Variants in PHACTR2 observed in about 807,000 individuals in gnomAD.
PHACTR2 encodes the protein phosphatase and actin regulator 2, also known as chromosome 6 open reading frame 56.
A neutral mutation model predicts 76.0 loss-of-function variants in PHACTR2; 30 were observed. That is an observed-to-expected ratio of 0.39 (90% CI 0.30 to 0.54). The LOEUF is 0.54. Ranked by LOEUF, PHACTR2 falls within the 20% of genes least tolerant of loss-of-function variation. PHACTR2 has a pLI of 0.61. For synonymous variants in PHACTR2, 292 were observed against 292.5 expected, an observed-to-expected ratio of 1.00 and a Z score of 0.02; for missense variants, 696 against 781.1, an observed-to-expected ratio of 0.89 and a Z score of 1.30.
chr6:143,809,424 T>C lies in PHACTR2; in HGVS notation c.1922+2291T>C, dbSNP rs888670663. Among the ~76,000 whole-genome samples the C allele has an allele frequency of 1.3e-5, 2 of 152,234 alleles. No individual in the cohort carries two copies. Among genetic ancestry groups the C allele is most frequent in the Non-Finnish European group, 2.9e-5 (2 of 68,022 alleles). ...TGAGGTCTTGCTATGTTGCCCAGGC[T>C]GGTCTTGAAGTCCTGAGCTCAAGCG... On this transcript the variant is annotated intron_variant, in intron 12 of 12. Transcript: ENST00000440869. The surrounding 1 kb of genome is among the most constrained non-coding windows in gnomAD (Gnocchi z 4.2).
At chr6:143,566,468 T>C (rs1006825764) in intron 1 of PHACTR2, among the ~76,000 whole-genome samples, 1 of 151,370 alleles carries the variant, frequency 6.6e-6, no homozygotes, top group Non-Finnish European at 1.5e-5. Context: ...TATTCTTTTG[T>C]TGTTGTTGTT....
In PHACTR2 at chr6:143,774,939, A is replaced by T. The variant is rs1389887783; in HGVS notation, c.1589+724A>T. On this transcript the variant is annotated intron_variant, in intron 8 of 12. Coordinates refer to ENST00000440869, the MANE Select transcript of PHACTR2 (RefSeq NM_001100164.2). The surrounding 1 kb of genome is among the most constrained non-coding windows in gnomAD (Gnocchi z 5.4). Reference sequence around the variant, plus strand: ...ATTCATGCCAGAGGTCTTATTTTTGATGATCAGTTTAAGCACATGTAAGAA... The same window carrying T: ...ATTCATGCCAGAGGTCTTATTTTTGTTGATCAGTTTAAGCACATGTAAGAA... Among the ~76,000 whole-genome samples the T allele has an allele frequency of 6.6e-6, 1 of 152,186 alleles. No individual in the cohort carries two copies. The highest frequency in any genetic ancestry group is 1.5e-5 in the Non-Finnish European group (1 of 68,038).
rs1776283021 is a variant in PHACTR2 at position 143,627,636 on chromosome 6, C to G, written c.13+19314C>G. 1.3e-5 allele frequency among the ~76,000 whole-genome samples: 2 copies of G among 150,072 alleles called. 1 individual carries two copies. The highest frequency in any genetic ancestry group is 4.2e-4 in the South Asian group (2 of 4,760). On this transcript the variant is annotated intron_variant, in intron 1 of 11. Transcript: ENST00000305766. This position sits in a 1 kb window ranked among gnomAD's most constrained non-coding sequence, Gnocchi z 4.3. ...TTTTTTTTTGAGAAGAAGTCTCGCT[C>G]TGTCACCCAGGCTGGAATGCAGTGG...
In PHACTR2 at chr6:143,782,754, G is replaced by T. The variant is rs55871631; in HGVS notation, c.1646-465G>T. ...GGTTGGATTTGAGTGGAAATCAGCAGCTCAGACATGCATCGGATGGTTCTA... is the reference window on the plus strand; with the variant it reads ...GGTTGGATTTGAGTGGAAATCAGCATCTCAGACATGCATCGGATGGTTCTA... On this transcript the variant is annotated intron_variant, in intron 9 of 12. Transcript: ENST00000440869. This position sits in a 1 kb window ranked among gnomAD's most constrained non-coding sequence, Gnocchi z 4.6. Among the ~76,000 whole-genome samples, 4,964 of 152,256 alleles carry T rather than the reference G, an allele frequency of 0.033. 272 individuals carry two copies. Among genetic ancestry groups the T allele is most frequent in the African/African-American group, 0.11 (4,641 of 41,510 alleles).
chr6:143,810,426 A>G (rs1312330684), intron 12 of PHACTR2: 1 of 236,736 alleles, frequency 4.2e-6, no homozygotes, highest in African/African-American at 2.3e-5. Context: ...CTACAGTTTA[A>G]GAGCATGCCT....
chr6:143,799,348 A>G (rs7766814), intron 11 of PHACTR2, among the ~76,000 whole-genome samples: 3,524 of 152,196 alleles, frequency 0.023, 108 homozygotes, highest in African/African-American at 0.081. Context: ...TCCTGGATTC[A>G]TTGATTTTTT....
At position 143,578,395 on chromosome 6, in the gene PHACTR2, G is replaced by A. The variant is rs1264528799; in HGVS notation, c.217+41188G>A. Among the ~76,000 whole-genome samples, 2 of 152,126 alleles carry A rather than the reference G, an allele frequency of 1.3e-5. No individual in the cohort carries two copies. Among genetic ancestry groups the A allele is most frequent in the Non-Finnish European group, 2.9e-5 (2 of 68,022 alleles). Reference sequence around the variant, plus strand: ...GGCCAGAAGTCAAGAGAATAGATACGTGGCATTAGGCTTTCCCCATAAGAA... The same window carrying A: ...GGCCAGAAGTCAAGAGAATAGATACATGGCATTAGGCTTTCCCCATAAGAA... On this transcript the variant is annotated intron_variant, in intron 1 of 11. Coordinates refer to the PHACTR2 transcript ENST00000367584. This position sits in a 1 kb window ranked among gnomAD's most constrained non-coding sequence, Gnocchi z 4.5.
rs1402206433 is a variant in PHACTR2, at chr6:143,818,162, T to G, written c.1923-5512T>G. ...AATCAATAAAAAATTTAAATAAAAT[T>G]TGATTAAAATGGACAGAGGTAGAAA... On this transcript the variant is annotated intron_variant, in intron 12 of 12. Coordinates refer to ENST00000440869, the MANE Select transcript of PHACTR2 (RefSeq NM_001100164.2). The surrounding 1 kb of genome is among the most constrained non-coding windows in gnomAD (Gnocchi z 4.9). Among the ~76,000 whole-genome samples the G allele has an allele frequency of 6.6e-6, 1 of 152,176 alleles. No homozygotes were observed. The highest frequency in any genetic ancestry group is 1.5e-5 in the Non-Finnish European group (1 of 68,026).
intron 2 of PHACTR2, among the ~76,000 whole-genome samples, chr6:143,744,561 G>T (rs1184181409): frequency 6.6e-6 from 1 of 151,998 alleles, no homozygotes; most frequent in Non-Finnish European, 1.5e-5. Context: ...TGACCTTTGA[G>T]CAGAGACTTG....
At chr6:143,606,125 T>G (rs918740977), upstream of PHACTR2, among the ~76,000 whole-genome samples, 2 of 152,224 alleles carry the variant, frequency 1.3e-5, no homozygotes, top group African/African-American at 4.8e-5. Flanking sequence ...TCTGGGAAGA[T>G]TCTTAGAACC....
At chr6:143,771,199 T>C (rs1582863656) in intron 6 of PHACTR2, among the ~76,000 whole-genome samples, 3 of 54,872 alleles carry the variant, frequency 5.5e-5, no homozygotes, top group East Asian at 7.8e-4. Flanking sequence ...TGTGTGTATA[T>C]ATATATATAT....
intron 6 of PHACTR2, among the ~76,000 whole-genome samples, chr6:143,770,644 G>T (rs1326633977): frequency 3.3e-5 from 5 of 152,022 alleles, no homozygotes; most frequent in African/African-American, 9.7e-5. Context: ...TATGAAGTAG[G>T]GTTTTAAATA....
intron 1 of PHACTR2, among the ~76,000 whole-genome samples, chr6:143,622,830 C>T (rs972816720): frequency 3.9e-5 from 6 of 152,036 alleles, no homozygotes; most frequent in African/African-American, 1.4e-4. Flanking sequence ...GTAATAATTA[C>T]AGTAACAAGT....
At position 143,787,079 on chromosome 6, in the gene PHACTR2, A is replaced by T. The variant is rs908907845; in HGVS notation, c.1708-1694A>T. Among the ~76,000 whole-genome samples the T allele has an allele frequency of 1.8e-4, 27 of 152,286 alleles. No individual in the cohort carries two copies. Among genetic ancestry groups the T allele is most frequent in the Admixed American group, 7.8e-4 (12 of 15,306 alleles). On this transcript the variant is annotated intron_variant, in intron 10 of 12. Transcript: ENST00000440869. The surrounding 1 kb of genome is among the most constrained non-coding windows in gnomAD (Gnocchi z 4.6). ...TGGGCACAGTCTTGTGATACAAATC[A>T]TCTTTCTCAATCCAGCTGGGCCCCT...
intron 1 of PHACTR2, among the ~76,000 whole-genome samples, chr6:143,574,658 T>C (rs1352142024): frequency 1.3e-5 from 2 of 150,156 alleles, no homozygotes; most frequent in African/African-American, 4.9e-5. Flanking sequence ...TGTGTTTAAC[T>C]TTTCAAAATA....
chr6:143,723,999 G>A (rs1214016817), intron 2 of PHACTR2, among the ~76,000 whole-genome samples: 1 of 147,816 alleles, frequency 6.8e-6, no homozygotes, highest in East Asian at 2.0e-4. Flanking sequence ...GTCTTGCTGT[G>A]TCTCCCAGAC....
At position 143,652,068 on chromosome 6, in the gene PHACTR2, A is replaced by G. The variant is rs74578643; in HGVS notation, c.13+43746A>G. On this transcript the variant is annotated intron_variant, in intron 1 of 11. Transcript: ENST00000305766. This position sits in a 1 kb window ranked among gnomAD's most constrained non-coding sequence, Gnocchi z 4.5. ...AAATTAAAGTTCTGTTGTTTAAGCA[A>G]AAAAAAAAAAAAAGGCCGGTAAACA... Among the ~76,000 whole-genome samples, 1 of 65,112 alleles carries G rather than the reference A, an allele frequency of 1.5e-5. No homozygotes were observed. Among genetic ancestry groups the G allele is most frequent in the Non-Finnish European group, 3.3e-5 (1 of 29,970 alleles). 42.7% of individuals were successfully genotyped at this position (65,112 alleles called of 152,430 possible).
In PHACTR2 at chr6:143,710,193, C is replaced by A. The variant is rs1778144021; in HGVS notation, c.47-1823C>A. Among the ~76,000 whole-genome samples, 1 of 152,028 alleles carries A rather than the reference C, an allele frequency of 6.6e-6. No individual in the cohort carries two copies. The highest frequency in any genetic ancestry group is 2.4e-5 in the African/African-American group (1 of 41,394). On this transcript the variant is annotated intron_variant, in intron 1 of 12. Coordinates refer to ENST00000440869, the MANE Select transcript of PHACTR2 (RefSeq NM_001100164.2). The surrounding 1 kb of genome is among the most constrained non-coding windows in gnomAD (Gnocchi z 4.9). The stretch of plus-strand genomic sequence containing the variant: ...GGTTGCTGGCTTCCATGCTTGTTGG[C>A]CTTTCGAGGTTTCTTACTTCTTCAG...
chr6:143,568,215 A>G lies in PHACTR2; in HGVS notation c.217+31008A>G, dbSNP rs1775389323. 2.0e-5 allele frequency among the ~76,000 whole-genome samples: 3 copies of G among 152,172 alleles called. No homozygotes were observed. The South Asian group carries it at 6.2e-4, about 32-fold the overall frequency. ...CAGACCTGGTTTTGCCACCAACTAGAGATACCACCAAAGGATTGTCCCCTG... is the reference window on the plus strand; with the variant it reads ...CAGACCTGGTTTTGCCACCAACTAGGGATACCACCAAAGGATTGTCCCCTG... On this transcript the variant is annotated intron_variant, in intron 1 of 11. Transcript: ENST00000367584.
Sources: gnomAD v4.1 joint callset for allele counts (sites outside exome capture counted in the v4.1 genomes callset) on GRCh38, gnomAD v4.1.1 for gene constraint, Gnocchi (gnomAD v3.1) non-coding constraint, MANE v1.5 for transcripts, NCBI Gene and HGNC (gene_info 2026-07-23, HGNC 2026-07-21) for gene names.